Variants in MRPS28 observed in about 807,000 individuals in gnomAD.
MRPS28 encodes small ribosomal subunit protein bS1m.
A neutral mutation model predicts 10.8 loss-of-function variants in MRPS28; 7 were observed. That is an observed-to-expected ratio of 0.65 (90% confidence interval 0.37 to 1.22). The LOEUF is 1.22. MRPS28 is among the 50% of genes most tolerant of loss of function. The probability of loss-of-function intolerance (pLI) is 0.02; values close to 1 mark genes in which losing one functional copy is unlikely to be tolerated. For synonymous variants in MRPS28, 121 were observed against 93.3 expected, an observed-to-expected ratio of 1.30 and a Z score of -1.71; for missense variants, 265 against 232.9, an observed-to-expected ratio of 1.14 and a Z score of -0.90.
chr8:80,015,593 T>C (rs551352983), intron 1 of MRPS28, among the ~76,000 whole-genome samples: 2 of 152,300 alleles, frequency 1.3e-5, no homozygotes, highest in Admixed American at 6.5e-5. Flanking sequence ...TAAAGGCCGA[T>C]TGACAGCCAT....
At chr8:80,015,646 T>C (rs918533729) in intron 1 of MRPS28, among the ~76,000 whole-genome samples, 32 of 152,030 alleles carry the variant, frequency 2.1e-4, no homozygotes, top group African/African-American at 7.0e-4. Context: ...AAAAAGAAAT[T>C]ACAAGATAGA....
At chr8:79,979,755 C>G (rs796144318) in intron 2 of MRPS28, among the ~76,000 whole-genome samples, 7 of 151,928 alleles carry the variant, frequency 4.6e-5, no homozygotes, top group African/African-American at 1.7e-4. Flanking sequence ...TTCCCATTCT[C>G]TTCCTCCCTT....
intron 2 of MRPS28, among the ~76,000 whole-genome samples, chr8:79,927,184 A>C (rs1448900428): frequency 2.6e-5 from 4 of 152,248 alleles, no homozygotes; most frequent in African/African-American, 9.6e-5. Context: ...ATTTTCACCT[A>C]AACAAAAGGC....
rs529597187 is a variant in MRPS28, at chr8:79,923,901, T to C, written c.396-4753A>G. Among the ~76,000 whole-genome samples, 13 of 152,318 alleles carry C rather than the reference T, an allele frequency of 8.5e-5. No homozygotes were observed. In the South Asian group the frequency reaches 2.7e-3, roughly 32 times the overall value. ...GTTTTGCATTTCTGTATTAAGGGCA[T>C]GGTTTAAAGACTTTCCTTTGGAGAG... On this transcript the variant is annotated intron_variant, in intron 2 of 2. Transcript: ENST00000276585.
intron 2 of MRPS28, among the ~76,000 whole-genome samples, chr8:79,994,104 T>C (rs1024297444): frequency 2.0e-5 from 3 of 152,204 alleles, no homozygotes; most frequent in Non-Finnish European, 4.4e-5. Flanking sequence ...AACACATTAG[T>C]AAACGGACTT....
intron 2 of MRPS28, among the ~76,000 whole-genome samples, chr8:79,931,065 C>A (rs1047859552): frequency 2.0e-5 from 3 of 151,730 alleles, no homozygotes; most frequent in African/African-American, 7.3e-5. Context: ...TAATAAAATT[C>A]AAAAAAATAG....
intron 2 of MRPS28, chr8:79,956,972 A>T (rs1387936539): frequency 6.6e-6 from 1 of 152,206 alleles, no homozygotes; most frequent in Non-Finnish European, 1.5e-5. Flanking sequence ...GTACCTTCCT[A>T]GTCCAGCTTT....
intron 2 of MRPS28, among the ~76,000 whole-genome samples, chr8:79,985,804 A>C (rs1808140783): frequency 6.6e-6 from 1 of 152,116 alleles, no homozygotes; most frequent in African/African-American, 2.4e-5. Context: ...AACCAAAAAG[A>C]GTCCAGGACC....
chr8:80,013,702 A>G (rs1432527368), intron 1 of MRPS28, among the ~76,000 whole-genome samples: 1 of 151,916 alleles, frequency 6.6e-6, no homozygotes, highest in Non-Finnish European at 1.5e-5. Flanking sequence ...ATGAAATGGT[A>G]TATATACTTT....
intron 2 of MRPS28, among the ~76,000 whole-genome samples, chr8:79,946,142 A>G (rs180700882): frequency 2.4e-4 from 37 of 152,190 alleles, no homozygotes; most frequent in African/African-American, 7.5e-4. Flanking sequence ...ATTGCTTACT[A>G]TTTTCTAAAT....
At chr8:79,986,961 T>C (rs549418188) in intron 2 of MRPS28, among the ~76,000 whole-genome samples, 31 of 152,244 alleles carry the variant, frequency 2.0e-4, no homozygotes, top group Non-Finnish European at 3.1e-4. Flanking sequence ...AGAGCCCACA[T>C]CGCCAAGTCA....
In MRPS28 at chr8:79,986,489, C is replaced by A. The variant is rs543903382; in HGVS notation, c.395+16510G>T. Among the ~76,000 whole-genome samples the A allele has an allele frequency of 7.9e-5, 12 of 152,322 alleles. No homozygotes were observed. The South Asian group carries it at 2.1e-3, about 26-fold the overall frequency. ...AGGAAAAGAGGAAGTCAACTTGTCC[C>A]TGTTTGCAGATGACATGATTGTATA... On this transcript the variant is annotated intron_variant, in intron 2 of 2. Transcript: ENST00000276585.
intron 1 of MRPS28, among the ~76,000 whole-genome samples, chr8:80,006,438 G>A (rs1268700468): frequency 1.3e-5 from 2 of 152,098 alleles, no homozygotes; most frequent in African/African-American, 2.4e-5. Flanking sequence ...AACTGAAGGA[G>A]ACAGAGACAC....
At chr8:79,979,804 T>C (rs1026810053) in intron 2 of MRPS28, among the ~76,000 whole-genome samples, 2 of 149,602 alleles carry the variant, frequency 1.3e-5, no homozygotes, top group East Asian at 4.0e-4. Context: ...GCAGCCTTAC[T>C]GTACCATGCA....
At chr8:80,007,097 G>C (rs1808872343) in intron 1 of MRPS28, among the ~76,000 whole-genome samples, 1 of 152,082 alleles carries the variant, frequency 6.6e-6, no homozygotes, top group Non-Finnish European at 1.5e-5. Context: ...TTCATTCCTG[G>C]GATGCAAGGC....
chr8:79,950,283 T>C (rs1006838277), intron 2 of MRPS28, among the ~76,000 whole-genome samples: 1 of 152,184 alleles, frequency 6.6e-6, no homozygotes, highest in African/African-American at 2.4e-5. Flanking sequence ...TAACCAAGTC[T>C]TTGGTCTTCA....
In MRPS28 at chr8:79,956,485, T is replaced by A. The variant is rs186864540; in HGVS notation, c.396-37337A>T. The A allele has an allele frequency of 5.6e-3, 851 of 152,268 alleles. 9 individuals carry two copies. Among genetic ancestry groups the A allele is most frequent in the African/African-American group, 0.02 (822 of 41,556 alleles). The allele number at this position is 152,268 out of a possible 1,614,324, so 9.4% of individuals were successfully genotyped here. On this transcript the variant is annotated intron_variant, in intron 2 of 2. Coordinates refer to ENST00000276585, the MANE Select transcript of MRPS28 (RefSeq NM_014018.3). Reference sequence around the variant, plus strand: ...CAAAATATAATTTAAATACTTTTTTTAACTATTATTTTAGGTTCAGGGGTA... The same window carrying A: ...CAAAATATAATTTAAATACTTTTTTAAACTATTATTTTAGGTTCAGGGGTA...
chr8:79,978,677 C>T (rs1183001048), intron 2 of MRPS28, among the ~76,000 whole-genome samples: 1 of 152,084 alleles, frequency 6.6e-6, no homozygotes, highest in Non-Finnish European at 1.5e-5. Context: ...CTTAATTTTA[C>T]CCACTCTTCA....
rs1011659098 is a variant in MRPS28, at chr8:80,030,078, C to A, written c.171G>T (p.Glu57Asp). 17 of 1,610,006 alleles carry A rather than the reference C, an allele frequency of 1.1e-5. No homozygotes were observed. Among genetic ancestry groups the A allele is most frequent in the African/African-American group, 1.4e-5 (1 of 72,560 alleles). ...CCTTCTGTAGAAGCTCCGAGTGCCGCTCCAACGCGCTCGCGAAACCGCCTG... is the reference window on the plus strand; with the variant it reads ...CCTTCTGTAGAAGCTCCGAGTGCCGATCCAACGCGCTCGCGAAACCGCCTG... ...TRAGGFASAL[E>D]RHSELLQKVE... is the part of the protein sequence containing the mutation. Residue 57 changes from glutamate (E) to aspartate (D), a missense_variant, in exon 1 of 3, where the codon GAG (glutamate) becomes GAT (aspartate). Physicochemically the swap from Glu to Asp is conservative, Grantham distance 45. Coordinates refer to ENST00000276585, the MANE Select transcript of MRPS28 (RefSeq NM_014018.3).
Sources: allele counts gnomAD v4.1 joint callset (sites outside exome capture counted in the v4.1 genomes callset), GRCh38; gene constraint gnomAD v4.1.1; transcripts MANE v1.5; gene names NCBI Gene and HGNC (gene_info 2026-07-23, HGNC 2026-07-21).